The following CHRM3 variants were observed in gnomAD, a reference collection of about 807,000 sequenced individuals.
CHRM3 encodes muscarinic acetylcholine receptor M3.
In CHRM3, 11 loss-of-function variants were observed where a neutral mutation model predicts 41.8. The ratio of observed to expected loss-of-function variants is 0.26; its 90% confidence interval spans 0.17 to 0.44. CHRM3 has a LOEUF of 0.44. Ranked by LOEUF, CHRM3 falls within the 20% of genes least tolerant of loss-of-function variation. The pLI, the probability that CHRM3 is intolerant of heterozygous loss-of-function variation, is 1.00. For missense variants in CHRM3, 571 were observed against 745.4 expected (o/e 0.77, Z 2.72); for synonymous variants, 297 against 301.4 (o/e 0.99, Z 0.15).
intron 3 of CHRM3, among the ~76,000 whole-genome samples, chr1:239,596,300 T>C (rs1664765375): frequency 6.6e-6 from 1 of 152,128 alleles, no homozygotes; most frequent in African/African-American, 2.4e-5. Flanking sequence ...TGAAGTAAAT[T>C]TGAAACATGG....
intron 4 of CHRM3, among the ~76,000 whole-genome samples, chr1:239,635,894 G>T (rs1319375862): frequency 6.6e-6 from 1 of 152,054 alleles, no homozygotes; most frequent in Non-Finnish European, 1.5e-5. Flanking sequence ...TATCTTAAAA[G>T]AAATTAAGCA....
intron 1 of CHRM3, among the ~76,000 whole-genome samples, chr1:239,470,142 A>G (rs1020336730): frequency 3.9e-5 from 6 of 152,190 alleles, no homozygotes; most frequent in African/African-American, 1.4e-4. Flanking sequence ...CAGTGTTATT[A>G]TAAAAGAAAG....
chr1:239,766,614 A>T (rs1667228438), intron 5 of CHRM3, among the ~76,000 whole-genome samples: 1 of 152,178 alleles, frequency 6.6e-6, no homozygotes, highest in Admixed American at 6.5e-5. Context: ...TTCACAGGAT[A>T]TCTGTCTATA....
chr1:239,649,388 G>C (rs1485503045), intron 4 of CHRM3, among the ~76,000 whole-genome samples: 1 of 152,164 alleles, frequency 6.6e-6, no homozygotes, highest in Admixed American at 6.5e-5. Flanking sequence ...TTGTTTATAA[G>C]CTATTTAGTT....
At chr1:239,720,465 A>G (rs757370668) in intron 5 of CHRM3, among the ~76,000 whole-genome samples, 28 of 151,972 alleles carry the variant, frequency 1.8e-4, no homozygotes, top group Non-Finnish European at 3.4e-4. Flanking sequence ...AACTTGGATT[A>G]TCAAAATGAA....
chr1:239,431,530 C>T (rs930104629), intron 1 of CHRM3, among the ~76,000 whole-genome samples: 6 of 152,048 alleles, frequency 3.9e-5, no homozygotes, highest in African/African-American at 1.4e-4. Flanking sequence ...AAAATAAACC[C>T]AGTGTTCAAG....
intron 1 of CHRM3, among the ~76,000 whole-genome samples, chr1:239,440,688 A>C (rs1205486497): frequency 6.6e-6 from 1 of 152,184 alleles, no homozygotes; most frequent in Non-Finnish European, 1.5e-5. Context: ...CTCTTAGTCA[A>C]AGCATTACTC....
chr1:239,685,857 A>T (rs907428784), intron 5 of CHRM3, among the ~76,000 whole-genome samples: 10 of 151,934 alleles, frequency 6.6e-5, no homozygotes, highest in African/African-American at 2.4e-4. Flanking sequence ...AGAACAAAAA[A>T]CAAACAAAAA....
intron 6 of CHRM3, among the ~76,000 whole-genome samples, chr1:239,860,216 G>T (rs1675526264): frequency 6.6e-6 from 1 of 151,934 alleles, no homozygotes; most frequent in African/African-American, 2.4e-5. Flanking sequence ...TGTGACCTTA[G>T]GCAATTCACT....
chr1:239,764,946 G>A (rs964178510), intron 5 of CHRM3, among the ~76,000 whole-genome samples: 2 of 152,230 alleles, frequency 1.3e-5, no homozygotes, highest in African/African-American at 4.8e-5. Context: ...CCACTGAGGT[G>A]AAATACCATG....
intron 2 of CHRM3, among the ~76,000 whole-genome samples, chr1:239,524,624 C>A (rs1669872191): frequency 6.6e-6 from 1 of 151,984 alleles, no homozygotes. Context: ...AAACCAGATC[C>A]TTTTTCATAT....
chr1:239,811,992 G>C (rs74149214), intron 5 of CHRM3, among the ~76,000 whole-genome samples: 2,004 of 152,302 alleles, frequency 0.013, 53 homozygotes, highest in African/African-American at 0.045. Flanking sequence ...CGATTTATGA[G>C]TTTATTCATT....
intron 3 of CHRM3, among the ~76,000 whole-genome samples, chr1:239,594,156 A>G (rs1407475443): frequency 1.3e-5 from 2 of 152,250 alleles, no homozygotes; most frequent in Non-Finnish European, 2.9e-5. Context: ...TTGGAAATCA[A>G]AAGTGAAGTA....
chr1:239,696,127 T>C (rs1448655633), intron 5 of CHRM3, among the ~76,000 whole-genome samples: 1 of 152,190 alleles, frequency 6.6e-6, no homozygotes, highest in Admixed American at 6.5e-5. Flanking sequence ...GCTAAATGCC[T>C]GGCCTTGGGT....
intron 1 of CHRM3, among the ~76,000 whole-genome samples, chr1:239,446,653 A>G (rs1338562384): frequency 6.6e-6 from 1 of 152,224 alleles, no homozygotes; most frequent in Non-Finnish European, 1.5e-5. Context: ...CAACAAGAAT[A>G]TAAATGGTGC....
chr1:239,665,709 C>A (rs1359082523), intron 4 of CHRM3, among the ~76,000 whole-genome samples: 7 of 151,974 alleles, frequency 4.6e-5, no homozygotes, highest in Admixed American at 4.6e-4. Context: ...TGTGATGTTC[C>A]CCTCCCTGTG....
At position 239,750,044 on chromosome 1, in the gene CHRM3, G is replaced by A. The variant is rs576669194; in HGVS notation, c.-147+71756G>A. 2.0e-5 allele frequency among the ~76,000 whole-genome samples: 3 copies of A among 152,290 alleles called. No individual in the cohort carries two copies. In the South Asian group the frequency reaches 6.2e-4, roughly 32 times the overall value. On this transcript the variant is annotated intron_variant, in intron 5 of 6. Coordinates refer to ENST00000676153, the MANE Select transcript of CHRM3 (RefSeq NM_001375978.1). Reference sequence around the variant, plus strand: ...GTTCATTAATTGGTAACATACTTGTGCTATTACTTCGTCATATTGTAAGAA... The same window carrying A: ...GTTCATTAATTGGTAACATACTTGTACTATTACTTCGTCATATTGTAAGAA...
intron 6 of CHRM3, among the ~76,000 whole-genome samples, chr1:239,875,645 G>A (rs1677051651): frequency 1.3e-5 from 2 of 152,160 alleles, no homozygotes; most frequent in South Asian, 4.1e-4. Flanking sequence ...TATTGACAAC[G>A]ATTTACGTAT....
At position 239,400,188 on chromosome 1, in the gene CHRM3, C is replaced by T. The variant is rs772372814; in HGVS notation, c.-521+12961C>T. ...CCTTCCAAAGTGTGGGGATTACAGGCGTGAGCCATGACTCTTGGCCGCTAG... is the reference window on the plus strand; with the variant it reads ...CCTTCCAAAGTGTGGGGATTACAGGTGTGAGCCATGACTCTTGGCCGCTAG... On this transcript the variant is annotated intron_variant, in intron 1 of 6. Coordinates refer to ENST00000676153, the MANE Select transcript of CHRM3 (RefSeq NM_001375978.1). 2.5e-4 allele frequency among the ~76,000 whole-genome samples: 38 copies of T among 152,176 alleles called. 1 individual carries two copies. Among genetic ancestry groups the T allele is most frequent in the Admixed American group, 7.2e-4 (11 of 15,274 alleles).
Sources: gnomAD v4.1 joint callset for allele counts (sites outside exome capture counted in the v4.1 genomes callset) on GRCh38, gnomAD v4.1.1 for gene constraint, MANE v1.5 for transcripts, NCBI Gene and HGNC (gene_info 2026-07-23, HGNC 2026-07-21) for gene names.